The following KCNIP4 variants were observed in gnomAD, a reference collection of about 807,000 sequenced individuals.
The protein encoded by KCNIP4 is Kv channel-interacting protein 4.
In KCNIP4, 12 loss-of-function variants were observed where a neutral mutation model predicts 34.0. The observed-to-expected ratio is 0.35, with a 90% CI of 0.23 to 0.57. The LOEUF (loss-of-function observed/expected upper bound fraction) is 0.57, where lower values mean the gene tolerates loss of function less well. Ranked by LOEUF, KCNIP4 falls within the 20% of genes least tolerant of loss-of-function variation. The pLI, the probability that KCNIP4 is intolerant of heterozygous loss-of-function variation, is 0.83. For missense variants in KCNIP4, 238 were observed against 311.7 expected (o/e 0.76, Z 1.78); for synonymous variants, 124 against 102.2 (o/e 1.21, Z -1.29).
chr4:21,277,731 A>G (rs1560244707), intron 1 of KCNIP4, among the ~76,000 whole-genome samples: 3 of 152,238 alleles, frequency 2.0e-5, no homozygotes, highest in Admixed American at 1.3e-4. Flanking sequence ...AATCAATAAA[A>G]GAGAAACACA....
rs775240323 is a variant in KCNIP4, at chr4:20,759,127, T to C, written c.289-237A>G. Reference sequence around the variant, plus strand: ...ATATTGAGTATCAAAGTAGGTGTAATGTATTCAGAAACACAGTGCTGCTTT... The same window carrying C: ...ATATTGAGTATCAAAGTAGGTGTAACGTATTCAGAAACACAGTGCTGCTTT... On this transcript the variant is annotated intron_variant, in intron 3 of 8. Coordinates refer to ENST00000382152, the MANE Select transcript of KCNIP4 (RefSeq NM_025221.6). Among the ~76,000 whole-genome samples, 36 of 152,308 alleles carry C rather than the reference T, an allele frequency of 2.4e-4. 1 individual carries two copies. Among genetic ancestry groups the C allele is most frequent in the Admixed American group, 2.2e-3 (33 of 15,288 alleles).
chr4:21,175,534 T>G (rs1560782744), intron 1 of KCNIP4, among the ~76,000 whole-genome samples: 2 of 152,166 alleles, frequency 1.3e-5, no homozygotes, highest in African/African-American at 4.8e-5. Flanking sequence ...ACTTTCACCT[T>G]TTCACCCAAA....
chr4:21,834,005 T>C (rs1028903800), intron 1 of KCNIP4, among the ~76,000 whole-genome samples: 2 of 152,104 alleles, frequency 1.3e-5, no homozygotes, highest in Non-Finnish European at 2.9e-5. Flanking sequence ...CCTTGTAGTA[T>C]AGTTTGAAGT....
intron 1 of KCNIP4, among the ~76,000 whole-genome samples, chr4:21,649,616 T>G (rs1747315123): frequency 6.6e-6 from 1 of 152,144 alleles, no homozygotes; most frequent in African/African-American, 2.4e-5. Context: ...GGGTAATAAT[T>G]TGTAATTATT....
At chr4:21,358,359 G>A (rs1262668797) in intron 1 of KCNIP4, among the ~76,000 whole-genome samples, 2 of 151,838 alleles carry the variant, frequency 1.3e-5, no homozygotes, top group Non-Finnish European at 2.9e-5. Flanking sequence ...AAAGTGATTC[G>A]GGTCCTGTCT....
intron 1 of KCNIP4, among the ~76,000 whole-genome samples, chr4:20,914,291 A>G (rs1474674352): frequency 6.6e-6 from 1 of 152,198 alleles, no homozygotes; most frequent in Non-Finnish European, 1.5e-5. Flanking sequence ...TTCATATGTT[A>G]AAACCCTAAC....
At chr4:20,767,822 A>C (rs947672471) in intron 3 of KCNIP4, among the ~76,000 whole-genome samples, 1 of 152,172 alleles carries the variant, frequency 6.6e-6, no homozygotes, top group African/African-American at 2.4e-5. Flanking sequence ...AAGACATTTC[A>C]TAGGAAAAAA....
At chr4:21,799,029 A>G (rs1720826154) in intron 1 of KCNIP4, among the ~76,000 whole-genome samples, 1 of 151,310 alleles carries the variant, frequency 6.6e-6, no homozygotes, top group Non-Finnish European at 1.5e-5. Context: ...CAGTCCATCC[A>G]GGAAAAAAAT....
chr4:21,406,319 C>G (rs1467290590), intron 1 of KCNIP4, among the ~76,000 whole-genome samples: 1 of 152,112 alleles, frequency 6.6e-6, no homozygotes, highest in Non-Finnish European at 1.5e-5. Flanking sequence ...AAACCCTCTC[C>G]TATCTCTTCC....
chr4:21,800,920 A>C (rs1303593024), intron 1 of KCNIP4, among the ~76,000 whole-genome samples: 2 of 152,222 alleles, frequency 1.3e-5, no homozygotes, highest in East Asian at 3.9e-4. Flanking sequence ...ACATTTGCCA[A>C]CGTTTCTCAT....
chr4:21,369,866 G>A (rs1720158657), intron 1 of KCNIP4, among the ~76,000 whole-genome samples: 1 of 144,244 alleles, frequency 6.9e-6, no homozygotes, highest in Non-Finnish European at 1.5e-5. Context: ...CAGTCACCCA[G>A]GCTGGAGTTC....
chr4:20,803,716 AG>A (rs1578657882), intron 3 of KCNIP4, among the ~76,000 whole-genome samples: 2 of 130,644 alleles, frequency 1.5e-5, no homozygotes, highest in Admixed American at 1.7e-4. Context: ...AGAGAGAGAG[AG>A]AGAGAGAGAG....
intron 1 of KCNIP4, among the ~76,000 whole-genome samples, chr4:21,056,152 C>T (rs1347447063): frequency 6.6e-6 from 1 of 152,106 alleles, no homozygotes; most frequent in African/African-American, 2.4e-5. Flanking sequence ...ACAAAACGTA[C>T]ATTTGTTGAT....
At chr4:21,012,063 G>A (rs1022806768) in intron 1 of KCNIP4, among the ~76,000 whole-genome samples, 5 of 152,220 alleles carry the variant, frequency 3.3e-5, no homozygotes, top group African/African-American at 1.2e-4. Context: ...AAGCAAGGGT[G>A]TCACAATTAA....
At chr4:21,599,496 A>G (rs983744779) in intron 1 of KCNIP4, among the ~76,000 whole-genome samples, 6 of 152,068 alleles carry the variant, frequency 3.9e-5, no homozygotes, top group Non-Finnish European at 8.8e-5. Context: ...TACGTACTTA[A>G]TAGGTGCCAC....
At chr4:21,141,244 T>C (rs1018740546) in intron 1 of KCNIP4, among the ~76,000 whole-genome samples, 8 of 152,266 alleles carry the variant, frequency 5.3e-5, no homozygotes, top group Admixed American at 4.6e-4. Flanking sequence ...ATGGCACTGA[T>C]AGACTCGTTC....
chr4:21,299,105 T>C (rs925569424), intron 1 of KCNIP4, among the ~76,000 whole-genome samples: 2 of 152,100 alleles, frequency 1.3e-5, no homozygotes, highest in African/African-American at 4.8e-5. Flanking sequence ...AAGGATTTGG[T>C]GAAGATTAAA....
At chr4:21,030,135 G>A (rs976051909) in intron 1 of KCNIP4, among the ~76,000 whole-genome samples, 1 of 152,144 alleles carries the variant, frequency 6.6e-6, no homozygotes, top group South Asian at 2.1e-4. Flanking sequence ...AGCAAGCAAA[G>A]TTTCTTCTGT....
intron 1 of KCNIP4, among the ~76,000 whole-genome samples, chr4:21,896,218 TAC>T (rs1184419160): frequency 6.6e-6 from 1 of 152,162 alleles, no homozygotes; most frequent in East Asian, 1.9e-4. Flanking sequence ...ATTATGCAGA[TAC>T]AGTCACCACT....
Sources: allele counts gnomAD v4.1 joint callset (sites outside exome capture counted in the v4.1 genomes callset), GRCh38; gene constraint gnomAD v4.1.1; transcripts MANE v1.5; gene names NCBI Gene and HGNC (gene_info 2026-07-23, HGNC 2026-07-21).